Variants in NAV3 observed in about 807,000 individuals in gnomAD.
The protein encoded by NAV3 is pore membrane and/or filament interacting like protein 1.
NAV3 carries 87 observed loss-of-function variants against 244.7 expected under a neutral mutation model. The ratio of observed to expected loss-of-function variants is 0.36; its 90% CI spans 0.30 to 0.42. The LOEUF is 0.42. Among genes scored for constraint, NAV3 ranks in the 20% least tolerant of loss-of-function variants. The probability of loss-of-function intolerance (pLI) is 1.00; values close to 1 mark genes in which losing one functional copy is unlikely to be tolerated. For missense variants in NAV3, 2,663 were observed against 2,893.3 expected, an observed-to-expected ratio of 0.92 and a Z score of 1.83; for synonymous variants, 1,126 against 1,042.2, an observed-to-expected ratio of 1.08 and a Z score of -1.55.
Position 77,643,874 on chromosome 12 carries a change from T to C in NAV3, c.72+71608T>C, listed in dbSNP as rs1872518971. Among the ~76,000 whole-genome samples, 4 of 152,216 alleles carry C rather than the reference T, an allele frequency of 2.6e-5. No individual in the cohort carries two copies. In the South Asian group the frequency reaches 8.3e-4, roughly 32 times the overall value. On this transcript the variant is annotated intron_variant, in intron 2 of 8. Transcript: ENST00000550042. ...TTTGCTAATAACTCAGATACATAGT[T>C]GTTTTTATTAAATCAGCAATATTAA...
At chr12:78,046,580 A>C (rs1479754883) in intron 9 of NAV3, among the ~76,000 whole-genome samples, 2 of 152,094 alleles carry the variant, frequency 1.3e-5, no homozygotes, top group African/African-American at 4.8e-5. Flanking sequence ...ATTTGATTGC[A>C]CTCTGGTCTG....
chr12:78,115,237 G>A (rs966417032), intron 12 of NAV3, among the ~76,000 whole-genome samples: 1 of 152,154 alleles, frequency 6.6e-6, no homozygotes, highest in African/African-American at 2.4e-5. Flanking sequence ...GCTTTTGTCT[G>A]TATATAATGT....
chr12:77,727,957 TG>T (rs1053235277), intron 2 of NAV3, among the ~76,000 whole-genome samples: 2 of 151,788 alleles, frequency 1.3e-5, no homozygotes, highest in African/African-American at 4.8e-5. Flanking sequence ...GCTATAGGAG[TG>T]GGAAAAACAC....
chr12:77,879,193 C>T (rs1222039976), intron 1 of NAV3, among the ~76,000 whole-genome samples: 1 of 152,078 alleles, frequency 6.6e-6, no homozygotes, highest in East Asian at 1.9e-4. Flanking sequence ...ATTTCCCAGG[C>T]TCAAAAATGT....
chr12:78,008,282 A>G (rs984644958), intron 8 of NAV3, among the ~76,000 whole-genome samples: 16 of 151,764 alleles, frequency 1.1e-4, no homozygotes, highest in Non-Finnish European at 1.9e-4. Context: ...TTTTGTAGGC[A>G]TTGAAATACA....
At chr12:78,166,690 T>C (rs1957794162) in intron 23 of NAV3, among the ~76,000 whole-genome samples, 1 of 151,818 alleles carries the variant, frequency 6.6e-6, no homozygotes, top group African/African-American at 2.4e-5. Flanking sequence ...TTAAACATGA[T>C]ATTCTGAAAA....
chr12:78,014,039 C>T (rs1275465978), intron 8 of NAV3, among the ~76,000 whole-genome samples: 2 of 151,884 alleles, frequency 1.3e-5, no homozygotes, highest in Non-Finnish European at 2.9e-5. Context: ...CATTTTTCTT[C>T]CATTGCTTTT....
At chr12:77,904,220 A>G (rs1290065053) in intron 1 of NAV3, among the ~76,000 whole-genome samples, 11 of 152,232 alleles carry the variant, frequency 7.2e-5, no homozygotes, top group Non-Finnish European at 1.0e-4. Context: ...CACTATTCAC[A>G]ATAGCACAGA....
chr12:77,930,656 G>A (rs987745048), intron 1 of NAV3, among the ~76,000 whole-genome samples: 1 of 152,018 alleles, frequency 6.6e-6, no homozygotes. Flanking sequence ...AAATGTCTTT[G>A]CCTCTCTCTT....
chr12:77,847,183 T>TA (rs1284636147), intron 1 of NAV3, among the ~76,000 whole-genome samples: 1 of 152,166 alleles, frequency 6.6e-6, no homozygotes, highest in African/African-American at 2.4e-5. Flanking sequence ...ATTGACAGAA[T>TA]GTGTGGGGAG....
intron 22 of NAV3, 87 bp downstream of exon 22, chr12:78,149,006 A>G: frequency 1.8e-6 from 2 of 1,104,392 alleles, no homozygotes; most frequent in Admixed American, 2.1e-5. Context: ...ACAAATTTTC[A>G]GTGCCTGATA....
intron 12 of NAV3, among the ~76,000 whole-genome samples, chr12:78,082,169 G>GT (rs1953389765): frequency 1.3e-5 from 2 of 152,130 alleles, no homozygotes; most frequent in South Asian, 4.1e-4. Flanking sequence ...GCTCCTCCTT[G>GT]CTTTCTTCCA....
At chr12:78,206,908 T>C (rs1960389552) in intron 39 of NAV3, among the ~76,000 whole-genome samples, 1 of 146,692 alleles carries the variant, frequency 6.8e-6, no homozygotes, top group Non-Finnish European at 1.5e-5. Flanking sequence ...GCCTAGGCTG[T>C]AGGGCAATGG....
chr12:77,857,790 C>T (rs1183142268), intron 1 of NAV3, among the ~76,000 whole-genome samples: 3 of 151,666 alleles, frequency 2.0e-5, no homozygotes, highest in Admixed American at 1.3e-4. Flanking sequence ...TAAAAATATG[C>T]ATTATACAGA....
intron 1 of NAV3, among the ~76,000 whole-genome samples, chr12:77,938,789 G>GAT (rs1352071989): frequency 6.6e-6 from 1 of 152,058 alleles, no homozygotes; most frequent in Non-Finnish European, 1.5e-5. Context: ...CTGGGGGATT[G>GAT]ATATATATAA....
At chr12:77,755,436 C>CTTCTT (rs1050945770) in intron 2 of NAV3, among the ~76,000 whole-genome samples, 5 of 152,114 alleles carry the variant, frequency 3.3e-5, no homozygotes, top group African/African-American at 4.8e-5. Flanking sequence ...TTGATGGGAT[C>CTTCTT]TTCTTTTCTT....
At chr12:77,662,501 T>TA (rs144041156) in intron 2 of NAV3, among the ~76,000 whole-genome samples, 2 of 150,852 alleles carry the variant, frequency 1.3e-5, no homozygotes, top group South Asian at 2.1e-4. Flanking sequence ...CCCATAGGAC[T>TA]AAAAAAAAAG....
chr12:78,136,548 C>T (rs1956380895), intron 18 of NAV3, among the ~76,000 whole-genome samples: 1 of 152,160 alleles, frequency 6.6e-6, no homozygotes, highest in African/African-American at 2.4e-5. Flanking sequence ...TCATCTTAAA[C>T]AGAGTAGAAA....
At chr12:77,589,655 G>A (rs1869813731) in intron 2 of NAV3, among the ~76,000 whole-genome samples, 1 of 152,076 alleles carries the variant, frequency 6.6e-6, no homozygotes, top group South Asian at 2.1e-4. Context: ...AATACCATGG[G>A]GTAAACCACC....
Sources: gnomAD v4.1 joint callset for allele counts (sites outside exome capture counted in the v4.1 genomes callset) on GRCh38, gnomAD v4.1.1 for gene constraint, MANE v1.5 for transcripts, NCBI Gene and HGNC (gene_info 2026-07-23, HGNC 2026-07-21) for gene names.